Variants in ARHGEF26 observed in about 807,000 individuals in gnomAD.
ARHGEF26 encodes Rho guanine nucleotide exchange factor (GEF) 26.
Under a neutral mutation model 89.4 loss-of-function variants are expected in ARHGEF26, and 59 were observed. That is an observed-to-expected ratio of 0.66 (90% confidence interval 0.54 to 0.82). The LOEUF (loss-of-function observed/expected upper bound fraction) is 0.82, where lower values mean the gene tolerates loss of function less well. ARHGEF26 is among the 40% of genes least tolerant of loss of function. The pLI is 0.00. For missense variants in ARHGEF26, 1,234 were observed against 1,085.6 expected (o/e 1.14, Z -1.92); for synonymous variants, 500 against 428.4 (o/e 1.17, Z -2.06).
At chr3:154,217,995 T>C (rs1454646736) in intron 10 of ARHGEF26, 37 bp downstream of exon 10, 10 of 1,518,106 alleles carry the variant, frequency 6.6e-6, no homozygotes, top group Non-Finnish European at 7.2e-6. Flanking sequence ...TTCTTGCCTA[T>C]GTTTTTCTCT....
In ARHGEF26 at chr3:154,255,600, T is replaced by G; in HGVS notation, c.*127T>G. On this transcript the variant is annotated 3_prime_UTR_variant, in exon 15 of 15. Transcript: ENST00000465093. ...TTAAAAGAACGAAAACACTTGCCTTTAAGCTTGCCAGGTTGTTCTGCTCTC... is the reference window on the plus strand; with the variant it reads ...TTAAAAGAACGAAAACACTTGCCTTGAAGCTTGCCAGGTTGTTCTGCTCTC... The G allele has an allele frequency of 6.9e-7, 1 of 1,456,912 alleles. No individual in the cohort carries two copies. Among genetic ancestry groups the G allele is most frequent in the Non-Finnish European group, 9.0e-7 (1 of 1,108,076 alleles). The allele number at this position is 1,456,912 out of a possible 1,614,324, so 90.2% of individuals were successfully genotyped here. A position where few individuals can be genotyped will look rare whatever the true frequency, so the allele number is the denominator to read the frequency against.
intron 4 of ARHGEF26, among the ~76,000 whole-genome samples, 174 bp from the exon 5 acceptor site, chr3:154,149,211 TATAA>T (rs1719867980): frequency 7.4e-6 from 1 of 135,196 alleles, no homozygotes; most frequent in Non-Finnish European, 1.6e-5. Flanking sequence ...TCTGGCACAC[TATAA>T]ATATTTATTA....
intron 12 of ARHGEF26, among the ~76,000 whole-genome samples, chr3:154,250,185 A>T (rs1410025678): frequency 6.6e-6 from 1 of 152,044 alleles, no homozygotes; most frequent in Non-Finnish European, 1.5e-5. Context: ...GTGCACCACC[A>T]CGCCCAGCTA....
At chr3:154,187,133 A>T in intron 6 of ARHGEF26, 1 of 585,100 alleles carries the variant, frequency 1.7e-6, no homozygotes, top group Non-Finnish European at 2.1e-6. Context: ...CTCATAATCC[A>T]CCCGCTTCGG....
At chr3:154,202,392 G>A (rs1350594131) in intron 9 of ARHGEF26, among the ~76,000 whole-genome samples, 1 of 152,132 alleles carries the variant, frequency 6.6e-6, no homozygotes, top group Non-Finnish European at 1.5e-5. Flanking sequence ...GTACCATGCT[G>A]TTTTGGTTAC....
intron 6 of ARHGEF26, among the ~76,000 whole-genome samples, chr3:154,159,136 G>C (rs1711522234): frequency 6.6e-6 from 1 of 152,036 alleles, no homozygotes; most frequent in Non-Finnish European, 1.5e-5. Flanking sequence ...TTCATAAAAA[G>C]ATGGGTTTTT....
chr3:154,132,660 A>G (rs1718751761), intron 4 of ARHGEF26, among the ~76,000 whole-genome samples: 1 of 152,124 alleles, frequency 6.6e-6, no homozygotes, highest in Admixed American at 6.5e-5. Context: ...GTGAAGCTGC[A>G]GCGTTTAGGG....
intron 4 of ARHGEF26, among the ~76,000 whole-genome samples, chr3:154,146,612 A>G (rs775272431): frequency 2.8e-4 from 42 of 152,364 alleles, no homozygotes; most frequent in Non-Finnish European, 4.9e-4. Context: ...TATAAAGATC[A>G]CAGGTCAAGA....
chr3:154,147,919 T>C (rs1719794957), intron 4 of ARHGEF26, among the ~76,000 whole-genome samples: 1 of 152,166 alleles, frequency 6.6e-6, no homozygotes, highest in Admixed American at 6.5e-5. Context: ...TGGGGTCCCC[T>C]TTTCAGATCA....
In ARHGEF26 at chr3:154,256,845, T is replaced by C. The variant is rs759576720; in HGVS notation, c.*1372T>C. On this transcript the variant is annotated 3_prime_UTR_variant, in exon 15 of 15. Coordinates refer to ENST00000465093, the MANE Select transcript of ARHGEF26 (RefSeq NM_015595.4). Reference sequence around the variant, plus strand: ...AGTCCCTCTTAACTGTGAGTTTCTATAGAACTTTACTTTTTCCACTAGTGC... The same window carrying C: ...AGTCCCTCTTAACTGTGAGTTTCTACAGAACTTTACTTTTTCCACTAGTGC... 5.9e-6 allele frequency: 9 copies of C among 1,532,222 alleles called. No homozygotes were observed. Among genetic ancestry groups the C allele is most frequent in the East Asian group, 4.9e-5 (2 of 40,704 alleles). 94.9% of individuals were successfully genotyped at this position (1,532,222 alleles called of 1,614,324 possible). A position where few individuals can be genotyped will look rare whatever the true frequency, so the allele number is the denominator to read the frequency against.
chr3:154,256,182 C>T lies in ARHGEF26; in HGVS notation c.*709C>T, dbSNP rs946855723. The T allele has an allele frequency of 2.3e-5, 23 of 985,460 alleles. No individual in the cohort carries two copies. The East Asian group carries it at 4.5e-4, about 19-fold the overall frequency. The allele number at this position is 985,460 out of a possible 1,614,324, so 61.0% of individuals were successfully genotyped here. ...AATTAACCTAAGCTACCTTTAACAA[C>T]GTAGAATTTAGATGGGTTCATATAT... On this transcript the variant is annotated 3_prime_UTR_variant, in exon 15 of 15. Transcript: ENST00000465093.
At chr3:154,248,947 T>A (rs1402140966) in intron 12 of ARHGEF26, among the ~76,000 whole-genome samples, 1 of 152,208 alleles carries the variant, frequency 6.6e-6, no homozygotes, top group East Asian at 1.9e-4. Flanking sequence ...GAATTGAGTT[T>A]GTGAGGGAAT....
chr3:154,219,939 A>AAAAAAC lies in ARHGEF26; in HGVS notation c.1935+1981_1935+1982insAAAAAC, dbSNP rs71152794. Among the ~76,000 whole-genome samples, 5 of 151,514 alleles carry AAAAAAC rather than the reference A, an allele frequency of 3.3e-5. No individual in the cohort carries two copies. The East Asian group carries it at 5.9e-4, about 18-fold the overall frequency. ...AAAAAAAACAAAAAACAAAAAACAA[A>AAAAAAC]CAAAAAAGTAAGTGATTAACATCAG... On this transcript the variant is annotated intron_variant, in intron 10 of 14. Transcript: ENST00000465093.
At chr3:154,155,626 T>A (rs555392200) in intron 6 of ARHGEF26, among the ~76,000 whole-genome samples, 1 of 152,044 alleles carries the variant, frequency 6.6e-6, no homozygotes. Context: ...TAGTTATTAT[T>A]TTAGTTATCT....
At position 154,255,326 on chromosome 3, in the gene ARHGEF26, C is replaced by G; in HGVS notation, c.2474-5C>G. The G allele has an allele frequency of 6.2e-7, 1 of 1,610,174 alleles. No homozygotes were observed. ...GTTTGGTGTGGACTCTGTTCTTTTT[C>G]ACAGGCTGGTATGAGGGGGAACGAC... On this transcript the variant is annotated splice_polypyrimidine_tract_variant and splice_region_variant and intron_variant, in intron 14 of 14. Coordinates refer to ENST00000465093, the MANE Select transcript of ARHGEF26 (RefSeq NM_015595.4).
intron 4 of ARHGEF26, among the ~76,000 whole-genome samples, chr3:154,136,206 AT>A (rs1389758378): frequency 5.9e-5 from 4 of 68,258 alleles, no homozygotes; most frequent in African/African-American, 9.2e-5. Context: ...AAATGGTTTG[AT>A]TTCTTAAAGT....
chr3:154,193,541 T>C (rs1052199494), intron 8 of ARHGEF26, among the ~76,000 whole-genome samples: 2 of 136,516 alleles, frequency 1.5e-5, no homozygotes, highest in African/African-American at 4.9e-5. Flanking sequence ...CTCTAATCTG[T>C]TTCTCATGTG....
Position 154,194,653 on chromosome 3 carries a change from CA to C in ARHGEF26, c.1786del (p.Thr596HisfsTer15). On this transcript the variant is annotated frameshift_variant, in exon 9 of 15. Transcript: ENST00000465093. LOFTEE classifies it high-confidence loss of function. ...RLPLLMDTIC[Q>X]KTPKDSPKYE... ...TTTTATTTCATTACAGACTATCTGT[CA>C]AAAAACACCTAAGGACTCTCCGAAG... 1 of 1,610,668 alleles carries C rather than the reference CA, an allele frequency of 6.2e-7. No homozygotes were observed. Among genetic ancestry groups the C allele is most frequent in the South Asian group, 1.1e-5 (1 of 90,224 alleles).
At position 154,166,262 on chromosome 3, in the gene ARHGEF26, GA is replaced by G. The variant is rs1576725550; in HGVS notation, c.1487+13332del. On this transcript the variant is annotated intron_variant, in intron 6 of 14. Transcript: ENST00000465093. ...AGACGGGGTTTCACCATGTTAGCCA[GA>G]ATGGTCTCGATCTCCTGACCTCATG... is the stretch of plus-strand genomic sequence containing the variant. Among the ~76,000 whole-genome samples, 3 of 152,224 alleles carry G rather than the reference GA, an allele frequency of 2.0e-5. 1 individual carries two copies. In the South Asian group the frequency reaches 6.2e-4, roughly 32 times the overall value.
Sources: gnomAD v4.1 joint callset for allele counts (sites outside exome capture counted in the v4.1 genomes callset) on GRCh38, gnomAD v4.1.1 for gene constraint, MANE v1.5 for transcripts, NCBI Gene and HGNC (gene_info 2026-07-23, HGNC 2026-07-21) for gene names.